The following MACROD2 variants were observed in gnomAD, a reference collection of about 807,000 sequenced individuals.
The protein encoded by MACROD2 is mono-ADP ribosylhydrolase 2.
MACROD2 carries 36 observed loss-of-function variants against 70.4 expected under a neutral mutation model. That is an observed-to-expected ratio of 0.51 (90% CI 0.39 to 0.68). The LOEUF is 0.68. MACROD2 is among the 30% of genes least tolerant of loss of function. The probability of loss-of-function intolerance (pLI) is 0.00; values close to 1 mark genes in which losing one functional copy is unlikely to be tolerated. For missense variants in MACROD2, 496 were observed against 538.4 expected (o/e 0.92, Z 0.78); for synonymous variants, 172 against 178.8 (o/e 0.96, Z 0.30).
At chr20:15,578,221 T>C (rs2048475153) in intron 8 of MACROD2, among the ~76,000 whole-genome samples, 1 of 152,190 alleles carries the variant, frequency 6.6e-6, no homozygotes, top group Non-Finnish European at 1.5e-5. Flanking sequence ...TTTCAGACCC[T>C]GATGAGTTCT....
chr20:14,862,358 T>A (rs1323845978), intron 5 of MACROD2, among the ~76,000 whole-genome samples: 1 of 19,318 alleles, frequency 5.2e-5, no homozygotes, highest in Non-Finnish European at 7.7e-5. Context: ...AAAATATATA[T>A]ATAAATATAT....
At chr20:14,034,672 T>C (rs539901000) in intron 2 of MACROD2, among the ~76,000 whole-genome samples, 1 of 152,362 alleles carries the variant, frequency 6.6e-6, no homozygotes, top group East Asian at 1.9e-4. Context: ...AAACCTGTTT[T>C]AACATTCGTC....
At chr20:14,151,358 A>G (rs190667677) in intron 3 of MACROD2, among the ~76,000 whole-genome samples, 1 of 152,140 alleles carries the variant, frequency 6.6e-6, no homozygotes, top group Non-Finnish European at 1.5e-5. Context: ...TATGAACCTG[A>G]TTTTGTGTGT....
chr20:14,978,799 A>G (rs2074767209), intron 5 of MACROD2, among the ~76,000 whole-genome samples: 1 of 149,614 alleles, frequency 6.7e-6, no homozygotes, highest in African/African-American at 2.5e-5. Flanking sequence ...CTCTCTCTCT[A>G]GTTGGATAAA....
chr20:15,422,442 T>A (rs779917837), intron 6 of MACROD2, among the ~76,000 whole-genome samples: 5 of 152,172 alleles, frequency 3.3e-5, no homozygotes, highest in Non-Finnish European at 5.9e-5. Flanking sequence ...TTACTCTTTA[T>A]ACGAGATAAA....
intron 7 of MACROD2, among the ~76,000 whole-genome samples, chr20:15,492,929 G>C (rs537666522): frequency 3.3e-5 from 5 of 152,102 alleles, no homozygotes; most frequent in Admixed American, 6.5e-5. Flanking sequence ...TACTTGGAAG[G>C]CTGGTTAGTA....
intron 4 of MACROD2, among the ~76,000 whole-genome samples, chr20:14,624,854 A>G (rs527876237): frequency 5.9e-5 from 9 of 152,360 alleles, no homozygotes; most frequent in African/African-American, 2.2e-4. Flanking sequence ...CCAGCCAGAA[A>G]TGTACTGCTG....
chr20:15,829,112 A>G (rs77530366), intron 8 of MACROD2, among the ~76,000 whole-genome samples: 9 of 115,324 alleles, frequency 7.8e-5, no homozygotes, highest in African/African-American at 1.6e-4. Flanking sequence ...TTATTATCGG[A>G]AAAAAAAAAC....
chr20:15,476,723 C>T (rs2047027357), intron 7 of MACROD2, among the ~76,000 whole-genome samples: 1 of 152,192 alleles, frequency 6.6e-6, no homozygotes, highest in African/African-American at 2.4e-5. Flanking sequence ...GAAGAAAAAC[C>T]AGCAAGATAT....
At position 15,451,417 on chromosome 20, in the gene MACROD2, T is replaced by TAAAAAAAAAAAAAAA. The variant is rs35308671; in HGVS notation, c.571+19994_571+20008dup. Among the ~76,000 whole-genome samples, 2 of 83,372 alleles carry TAAAAAAAAAAAAAAA rather than the reference T, an allele frequency of 2.4e-5. 1 individual carries two copies. The highest frequency in any genetic ancestry group is 4.5e-5 in the Non-Finnish European group (2 of 44,050). The allele number at this position is 83,372 out of a possible 152,430, so 54.7% of individuals were successfully genotyped here. A position where few individuals can be genotyped will look rare whatever the true frequency, so the allele number is the denominator to read the frequency against. On this transcript the variant is annotated intron_variant, in intron 7 of 17. Coordinates refer to ENST00000684519, the MANE Select transcript of MACROD2 (RefSeq NM_001351661.2). ...AGCAAATCTCCTGAAGGGTGGTAAA[T>TAAAAAAAAAAAAAAA]AAAAAAAAAAAAAAAAAAAAAAAAA...
At chr20:15,336,460 T>C (rs1394144142) in intron 6 of MACROD2, among the ~76,000 whole-genome samples, 1 of 151,562 alleles carries the variant, frequency 6.6e-6, no homozygotes, top group Admixed American at 6.6e-5. Context: ...TCACAGAGAC[T>C]GAGTAATTTT....
chr20:15,245,850 T>C (rs1008108569), intron 6 of MACROD2, among the ~76,000 whole-genome samples: 2 of 152,202 alleles, frequency 1.3e-5, no homozygotes, highest in African/African-American at 2.4e-5. Flanking sequence ...CGGGATGTAG[T>C]TTTATCATAA....
intron 8 of MACROD2, among the ~76,000 whole-genome samples, chr20:15,508,565 A>G (rs1375815549): frequency 6.6e-6 from 1 of 152,218 alleles, no homozygotes; most frequent in Admixed American, 6.5e-5. Context: ...TTAATTTCCT[A>G]GATGTGACAG....
chr20:15,733,203 C>T (rs1272926436), intron 8 of MACROD2, among the ~76,000 whole-genome samples: 1 of 152,006 alleles, frequency 6.6e-6, no homozygotes, highest in African/African-American at 2.4e-5. Flanking sequence ...TAGTAATGTT[C>T]CTCTTTCATG....
chr20:14,531,378 G>A (rs1170787535), intron 4 of MACROD2, among the ~76,000 whole-genome samples: 2 of 152,180 alleles, frequency 1.3e-5, no homozygotes, highest in Non-Finnish European at 2.9e-5. Flanking sequence ...GAGGACAAGA[G>A]CTTGTGAAGA....
intron 5 of MACROD2, among the ~76,000 whole-genome samples, chr20:15,178,282 G>T (rs1281808431): frequency 6.6e-6 from 1 of 152,106 alleles, no homozygotes; most frequent in Non-Finnish European, 1.5e-5. Flanking sequence ...TTCTCAGCTG[G>T]CAGGAAAGAT....
intron 12 of MACROD2, among the ~76,000 whole-genome samples, chr20:15,941,054 A>AT (rs1328744627): frequency 6.6e-6 from 1 of 152,138 alleles, no homozygotes; most frequent in African/African-American, 2.4e-5. Flanking sequence ...ACTGTTTGTG[A>AT]TGTTTCTTGA....
At chr20:15,717,416 G>A (rs1465736310) in intron 8 of MACROD2, among the ~76,000 whole-genome samples, 1 of 151,956 alleles carries the variant, frequency 6.6e-6, no homozygotes, top group African/African-American at 2.4e-5. Context: ...GTGTTCACTG[G>A]TGGATGGAAC....
At chr20:15,901,527 G>GTT (rs796672706) in intron 10 of MACROD2, among the ~76,000 whole-genome samples, 1 of 152,164 alleles carries the variant, frequency 6.6e-6, no homozygotes, top group Non-Finnish European at 1.5e-5. Flanking sequence ...GTTGTCAGCA[G>GTT]TTTTTGGATA....
Sources: gnomAD v4.1 joint callset for allele counts (sites outside exome capture counted in the v4.1 genomes callset) on GRCh38, gnomAD v4.1.1 for gene constraint, MANE v1.5 for transcripts, NCBI Gene and HGNC (gene_info 2026-07-23, HGNC 2026-07-21) for gene names.